Variants in SCRG1 observed in about 807,000 individuals in gnomAD.
The protein encoded by SCRG1 is stimulator of chondrogenesis 1.
In SCRG1, 3 loss-of-function variants were observed where a neutral mutation model predicts 7.7. The ratio of observed to expected loss-of-function variants is 0.39; its 90% confidence interval spans 0.18 to 1.01. The LOEUF (loss-of-function observed/expected upper bound fraction) is 1.01. SCRG1 is among the 50% of genes least tolerant of loss of function. SCRG1 has a pLI of 0.36. For synonymous variants in SCRG1, 46 were observed against 41.2 expected (o/e 1.12, Z -0.44); for missense variants, 110 against 117.2 (o/e 0.94, Z 0.28).
the SCRG1 span, among the ~76,000 whole-genome samples, chr4:173,484,700 G>GCA: frequency 1.2e-5 from 1 of 82,022 alleles, no homozygotes; most frequent in Non-Finnish European, 2.1e-5. Context: ...TATATTATAT[G>GCA]CATATAATAC....
chr4:173,462,031 G>T, the SCRG1 span, among the ~76,000 whole-genome samples: 23 of 152,162 alleles, frequency 1.5e-4, no homozygotes, highest in African/African-American at 5.1e-4. Flanking sequence ...AGATCCTGCA[G>T]GATCTATATA....
chr4:173,407,245 G>A (rs768837695), upstream of SCRG1, among the ~76,000 whole-genome samples: 86 of 149,226 alleles, frequency 5.8e-4, no homozygotes, highest in Non-Finnish European at 1.1e-3. Context: ...GGCTGGATGC[G>A]GTGGCTCACG....
the SCRG1 span, among the ~76,000 whole-genome samples, chr4:173,505,391 T>C: frequency 1.3e-5 from 2 of 152,234 alleles, no homozygotes; most frequent in African/African-American, 4.8e-5. This position sits in a 1 kb window ranked among gnomAD's most constrained non-coding sequence, Gnocchi z 4.4. Flanking sequence ...ATCAGTATAT[T>C]GGGACATCAG....
upstream of SCRG1, among the ~76,000 whole-genome samples, chr4:173,409,435 A>G (rs1739991194): frequency 6.6e-6 from 1 of 151,638 alleles, no homozygotes. Context: ...CTCTTTCTCC[A>G]TGTCTCTTCC....
chr4:173,406,973 C>T (rs369751308), upstream of SCRG1, among the ~76,000 whole-genome samples: 7 of 152,012 alleles, frequency 4.6e-5, no homozygotes, highest in Non-Finnish European at 1.0e-4. Flanking sequence ...TTTGGGGGGC[C>T]GAGATGGGTG....
chr4:173,496,101 T>G, the SCRG1 span, among the ~76,000 whole-genome samples: 1 of 151,996 alleles, frequency 6.6e-6, no homozygotes, highest in African/African-American at 2.4e-5. Context: ...ATAGGGACAG[T>G]GGTGAGAAAG....
chr4:173,429,415 C>T, the SCRG1 span, among the ~76,000 whole-genome samples: 2 of 152,098 alleles, frequency 1.3e-5, no homozygotes, highest in African/African-American at 4.8e-5. Context: ...ACTTTAGCCT[C>T]CTAAGTAGTT....
the SCRG1 span, among the ~76,000 whole-genome samples, chr4:173,462,576 A>T: frequency 6.6e-6 from 1 of 152,198 alleles, no homozygotes; most frequent in Admixed American, 6.5e-5. Flanking sequence ...CCTCAATCAG[A>T]AAGAAAAGGA....
chr4:173,402,529 G>A (rs1161332095), upstream of SCRG1, among the ~76,000 whole-genome samples: 1 of 151,684 alleles, frequency 6.6e-6, no homozygotes, highest in East Asian at 1.9e-4. Context: ...CCAATCAGGT[G>A]AAGTCTGAAG....
At chr4:173,443,043 T>C in the SCRG1 span, among the ~76,000 whole-genome samples, 1 of 152,196 alleles carries the variant, frequency 6.6e-6, no homozygotes, top group South Asian at 2.1e-4. Flanking sequence ...GGAAAGTACC[T>C]AAAAGTGGTA....
At chr4:173,514,321 C>G in the SCRG1 span, among the ~76,000 whole-genome samples, 1 of 152,188 alleles carries the variant, frequency 6.6e-6, no homozygotes, top group Non-Finnish European at 1.5e-5. Flanking sequence ...GCTAAGCATA[C>G]AACTGAAAAG....
chr4:173,469,656 TAATA>T, the SCRG1 span: 1 of 152,154 alleles, frequency 6.6e-6, no homozygotes, highest in Non-Finnish European at 1.5e-5. Context: ...TAAAAGAAAA[TAATA>T]AATTTGTATC....
chr4:173,407,544 A>C (rs1421242354), upstream of SCRG1, among the ~76,000 whole-genome samples: 3 of 152,162 alleles, frequency 2.0e-5, no homozygotes, highest in African/African-American at 7.2e-5. Context: ...AAAAACGAAA[A>C]AAAGAGAGTA....
At chr4:173,434,027 A>G in the SCRG1 span, among the ~76,000 whole-genome samples, 9 of 152,120 alleles carry the variant, frequency 5.9e-5, no homozygotes, top group East Asian at 3.9e-4. Context: ...TCCCATATCA[A>G]ATTCCCTCTG....
chr4:173,481,566 T>A, the SCRG1 span, among the ~76,000 whole-genome samples: 1 of 152,064 alleles, frequency 6.6e-6, no homozygotes, highest in Non-Finnish European at 1.5e-5. Flanking sequence ...TGTGTCTGGC[T>A]CTCCTGCCTC....
chr4:173,507,398 CAG>C, the SCRG1 span, among the ~76,000 whole-genome samples: 1 of 152,152 alleles, frequency 6.6e-6, no homozygotes, highest in African/African-American at 2.4e-5. The surrounding 1 kb of genome is among the most constrained non-coding windows in gnomAD (Gnocchi z 4.4). Context: ...TTAGTAGAGA[CAG>C]GGTTTCGCCA....
chr4:173,449,896 A>G, the SCRG1 span, among the ~76,000 whole-genome samples: 2 of 152,214 alleles, frequency 1.3e-5, no homozygotes, highest in East Asian at 1.9e-4. Context: ...GAGCTGAGAT[A>G]TGCCTCTCCT....
chr4:173,502,116 A>G, the SCRG1 span, among the ~76,000 whole-genome samples: 2,236 of 148,984 alleles, frequency 0.015, 22 homozygotes, highest in Non-Finnish European at 0.022. The surrounding 1 kb of genome is among the most constrained non-coding windows in gnomAD (Gnocchi z 4.6). Context: ...AGAATATAGT[A>G]TTGCACGCCT....
the SCRG1 span, among the ~76,000 whole-genome samples, chr4:173,452,533 C>T: frequency 6.6e-6 from 1 of 152,180 alleles, no homozygotes; most frequent in African/African-American, 2.4e-5. Flanking sequence ...ATTCTTTTTA[C>T]AAACGGAAAA....
Sources: gnomAD v4.1 joint callset for allele counts (sites outside exome capture counted in the v4.1 genomes callset) on GRCh38, gnomAD v4.1.1 for gene constraint, Gnocchi (gnomAD v3.1) non-coding constraint, MANE v1.5 for transcripts, NCBI Gene and HGNC (gene_info 2026-07-23, HGNC 2026-07-21) for gene names.